CADM2: variants seen among roughly 807,000 people sequenced by gnomAD.
The protein encoded by CADM2 is cell adhesion molecule 2, also known as immunoglobulin superfamily member 4D.
CADM2 carries 12 observed loss-of-function variants against 49.8 expected under a neutral mutation model. The ratio of observed to expected loss-of-function variants is 0.24; its 90% CI spans 0.15 to 0.39. The LOEUF is 0.39. Ranked by LOEUF, CADM2 falls within the 10% of genes least tolerant of loss-of-function variation. The pLI is 1.00. For missense variants in CADM2, 378 were observed against 492.3 expected (o/e 0.77, Z 2.20); for synonymous variants, 214 against 175.4 (o/e 1.22, Z -1.74).
At chr3:85,128,745 T>G (rs1307637380) in intron 1 of CADM2, among the ~76,000 whole-genome samples, 1 of 152,200 alleles carries the variant, frequency 6.6e-6, no homozygotes, top group Non-Finnish European at 1.5e-5. Flanking sequence ...AATAAACATG[T>G]TAAGGCTAAA....
intron 5 of CADM2, among the ~76,000 whole-genome samples, chr3:85,911,152 A>T (rs923638556): frequency 3.3e-5 from 5 of 152,160 alleles, no homozygotes; most frequent in Non-Finnish European, 7.4e-5. Context: ...ATGTAAAAAA[A>T]TGACAGAAAG....
At chr3:85,052,247 C>T (rs1003668090) in intron 1 of CADM2, among the ~76,000 whole-genome samples, 3 of 152,066 alleles carry the variant, frequency 2.0e-5, no homozygotes, top group Non-Finnish European at 4.4e-5. Context: ...GTCAGTGAAG[C>T]TAAGGTTATA....
At chr3:85,656,471 C>T (rs77089080) in intron 1 of CADM2, among the ~76,000 whole-genome samples, 1,705 of 151,978 alleles carry the variant, frequency 0.011, 39 homozygotes, top group African/African-American at 0.039. Flanking sequence ...AAAAGATTAT[C>T]CAGGAGTGGT....
At chr3:85,100,473 C>T (rs1200647544) in intron 1 of CADM2, among the ~76,000 whole-genome samples, 2 of 152,132 alleles carry the variant, frequency 1.3e-5, no homozygotes, top group Non-Finnish European at 2.9e-5. Flanking sequence ...AAGCATCAAC[C>T]AAAACTAGCA....
At position 85,641,208 on chromosome 3, in the gene CADM2, A is replaced by G. The variant is rs554457018; in HGVS notation, c.62-85314A>G. Among the ~76,000 whole-genome samples the G allele has an allele frequency of 2.6e-5, 4 of 152,336 alleles. No homozygotes were observed. The East Asian group carries it at 7.7e-4, about 29-fold the overall frequency. On this transcript the variant is annotated intron_variant, in intron 1 of 9. Transcript: ENST00000383699. ...TCTTCATCTTTTCTTAGCTAAAAAAAAACTAGTGATAGAAGTATATACACT... is the reference window on the plus strand; with the variant it reads ...TCTTCATCTTTTCTTAGCTAAAAAAGAACTAGTGATAGAAGTATATACACT...
At chr3:84,984,388 C>G (rs1166538673) in intron 1 of CADM2, among the ~76,000 whole-genome samples, 1 of 108,894 alleles carries the variant, frequency 9.2e-6, no homozygotes, top group African/African-American at 4.4e-5. Context: ...AAAAAAAACA[C>G]TTGAGGCTGT....
At chr3:85,180,758 T>C (rs532080067) in intron 1 of CADM2, among the ~76,000 whole-genome samples, 1 of 152,112 alleles carries the variant, frequency 6.6e-6, no homozygotes, top group African/African-American at 2.4e-5. Context: ...TGATTAAAAG[T>C]AAAGAATGAG....
At chr3:85,477,207 A>T (rs1473317086) in intron 1 of CADM2, among the ~76,000 whole-genome samples, 1 of 148,970 alleles carries the variant, frequency 6.7e-6, no homozygotes, top group Non-Finnish European at 1.5e-5. Flanking sequence ...CCAAAATTTT[A>T]AAAGTTCACT....
intron 1 of CADM2, among the ~76,000 whole-genome samples, chr3:85,285,904 C>G (rs2043622660): frequency 6.6e-6 from 1 of 151,910 alleles, no homozygotes; most frequent in Non-Finnish European, 1.5e-5. Flanking sequence ...ATTTCAGTTT[C>G]TGGGTGATGT....
chr3:85,401,110 T>C (rs2035085200), intron 1 of CADM2, among the ~76,000 whole-genome samples: 1 of 152,198 alleles, frequency 6.6e-6, no homozygotes, highest in South Asian at 2.1e-4. Flanking sequence ...ACTATCCTTC[T>C]GAGCCTTTGG....
At chr3:85,199,578 G>A (rs1233100460) in intron 1 of CADM2, among the ~76,000 whole-genome samples, 1 of 151,478 alleles carries the variant, frequency 6.6e-6, no homozygotes, top group African/African-American at 2.4e-5. Flanking sequence ...CATGTTGATG[G>A]CAAATGTTTC....
intron 1 of CADM2, among the ~76,000 whole-genome samples, chr3:85,355,203 G>A (rs1302573385): frequency 6.6e-6 from 1 of 152,056 alleles, no homozygotes; most frequent in Non-Finnish European, 1.5e-5. Context: ...AGAGGGAAGG[G>A]GAGTTCAGTG....
chr3:85,890,006 A>G (rs183640259), intron 5 of CADM2, among the ~76,000 whole-genome samples: 2 of 152,274 alleles, frequency 1.3e-5, no homozygotes, highest in East Asian at 3.9e-4. Flanking sequence ...GTCTTAAACA[A>G]TGTATAAACC....
At position 85,579,484 on chromosome 3, in the gene CADM2, T is replaced by C. The variant is rs572460369; in HGVS notation, c.62-147038T>C. On this transcript the variant is annotated intron_variant, in intron 1 of 9. Transcript: ENST00000383699. ...TGCACAAGGCTGCTATGCTGACTTG[T>C]CTAAAATGCAGATTTAGTCAGTTCC... Among the ~76,000 whole-genome samples the C allele has an allele frequency of 5.0e-4, 76 of 152,296 alleles. 3 individuals carry two copies. The South Asian group carries it at 0.015, about 29-fold the overall frequency.
intron 1 of CADM2, among the ~76,000 whole-genome samples, chr3:85,164,825 C>G (rs1007571869): frequency 2.0e-5 from 3 of 151,914 alleles, no homozygotes; most frequent in Non-Finnish European, 4.4e-5. Flanking sequence ...TTTATTTCCA[C>G]TTTTAAATTA....
At chr3:85,883,952 C>G (rs1336943762) in intron 4 of CADM2, among the ~76,000 whole-genome samples, 7 of 152,164 alleles carry the variant, frequency 4.6e-5, no homozygotes, top group Non-Finnish European at 1.0e-4. Flanking sequence ...CATGTGTCTT[C>G]TCTCCTTTTG....
At chr3:85,280,085 A>G (rs573386448) in intron 1 of CADM2, among the ~76,000 whole-genome samples, 69 of 151,704 alleles carry the variant, frequency 4.5e-4, no homozygotes, top group African/African-American at 1.6e-3. Flanking sequence ...CTTTGGTATC[A>G]TATCATTGCC....
intron 1 of CADM2, among the ~76,000 whole-genome samples, chr3:85,458,005 C>A (rs1404457170): frequency 6.6e-6 from 1 of 152,128 alleles, no homozygotes; most frequent in Non-Finnish European, 1.5e-5. Flanking sequence ...CATCTCTTTA[C>A]CTAAAACTCT....
At chr3:85,029,994 C>T (rs187945557) in intron 1 of CADM2, among the ~76,000 whole-genome samples, 2 of 152,252 alleles carry the variant, frequency 1.3e-5, no homozygotes, top group East Asian at 3.9e-4. Context: ...TTCAATAAAC[C>T]GCAGATGTCA....
Sources: gnomAD v4.1 joint callset for allele counts (sites outside exome capture counted in the v4.1 genomes callset) on GRCh38, gnomAD v4.1.1 for gene constraint, MANE v1.5 for transcripts, NCBI Gene and HGNC (gene_info 2026-07-23, HGNC 2026-07-21) for gene names.